Variants in NCAM2 observed in about 807,000 individuals in gnomAD.
NCAM2 encodes N-CAM-2.
A neutral mutation model predicts 98.1 loss-of-function variants in NCAM2; 30 were observed. The ratio of observed to expected loss-of-function variants is 0.31; its 90% CI spans 0.23 to 0.41. NCAM2 has a LOEUF of 0.41. NCAM2 is among the 10% of genes least tolerant of loss of function. The pLI is 1.00. For synonymous variants in NCAM2, 368 were observed against 342.4 expected (o/e 1.07, Z -0.83); for missense variants, 867 against 1,005.8 (o/e 0.86, Z 1.87).
chr21:21,457,578 T>G (rs1387899888), intron 12 of NCAM2, among the ~76,000 whole-genome samples: 1 of 151,688 alleles, frequency 6.6e-6, no homozygotes, highest in Non-Finnish European at 1.5e-5. Flanking sequence ...AGGCAGAGGT[T>G]GCAGTGAACC....
chr21:21,286,870 T>G (rs1486357002), intron 4 of NCAM2, among the ~76,000 whole-genome samples: 1 of 151,968 alleles, frequency 6.6e-6, no homozygotes, highest in Non-Finnish European at 1.5e-5. Context: ...CCTGCTGTAT[T>G]CAAATTCTGT....
intron 5 of NCAM2, among the ~76,000 whole-genome samples, chr21:21,320,898 T>A (rs1331519522): frequency 1.3e-5 from 2 of 152,330 alleles, no homozygotes; most frequent in African/African-American, 2.4e-5. Flanking sequence ...TTTGCAAATG[T>A]GGCTTCCCAG....
intron 12 of NCAM2, among the ~76,000 whole-genome samples, chr21:21,441,941 A>G (rs1174050362): frequency 6.6e-6 from 1 of 152,168 alleles, no homozygotes; most frequent in Non-Finnish European, 1.5e-5. Context: ...CAGTACTGAC[A>G]TCTCCTGAGG....
intron 9 of NCAM2, among the ~76,000 whole-genome samples, chr21:21,378,175 CT>C (rs71322052): frequency 0.64 from 94,447 of 148,298 alleles, 29,976 homozygotes; most frequent in Middle Eastern, 0.72. Context: ...CAGGTACAGA[CT>C]TTTTTTTTTT....
At chr21:21,475,143 G>T (rs1008480109) in intron 14 of NCAM2, among the ~76,000 whole-genome samples, 1 of 151,906 alleles carries the variant, frequency 6.6e-6, no homozygotes, top group African/African-American at 2.4e-5. Flanking sequence ...TAAAATCACT[G>T]TGTTTCTTTT....
chr21:21,080,584 C>T (rs2065772289), intron 1 of NCAM2, among the ~76,000 whole-genome samples: 2 of 145,618 alleles, frequency 1.4e-5, no homozygotes, highest in Non-Finnish European at 3.0e-5. Context: ...CCATTGCACT[C>T]CAGCCTGGGC....
intron 1 of NCAM2, among the ~76,000 whole-genome samples, chr21:21,023,061 T>C (rs535858887): frequency 1.1e-4 from 16 of 152,300 alleles, no homozygotes; most frequent in Middle Eastern, 3.4e-3. Context: ...GTAAGCTTTA[T>C]ACCTAAATAA....
chr21:21,016,822 G>A (rs1225709044), intron 1 of NCAM2, among the ~76,000 whole-genome samples: 2 of 152,104 alleles, frequency 1.3e-5, no homozygotes, highest in African/African-American at 2.4e-5. Context: ...GCTATGAAGT[G>A]ACCAAGGTGG....
At chr21:21,078,015 T>C (rs1179275315) in intron 1 of NCAM2, among the ~76,000 whole-genome samples, 1 of 152,142 alleles carries the variant, frequency 6.6e-6, no homozygotes, top group African/African-American at 2.4e-5. Context: ...AGTACCAAAA[T>C]AATCTTAGTG....
At chr21:21,514,079 C>T (rs1294825266) in intron 16 of NCAM2, among the ~76,000 whole-genome samples, 1 of 151,218 alleles carries the variant, frequency 6.6e-6, no homozygotes, top group Non-Finnish European at 1.5e-5. Context: ...CTGGGCTATA[C>T]ATATAAATTA....
chr21:21,055,106 C>T (rs1488174005), intron 1 of NCAM2, among the ~76,000 whole-genome samples: 3 of 151,914 alleles, frequency 2.0e-5, no homozygotes, highest in Non-Finnish European at 4.4e-5. Context: ...TTCAGACAAC[C>T]TTTCTTATCT....
Position 21,268,183 on chromosome 21 carries a change from T to G in NCAM2, c.56-12395T>G, listed in dbSNP as rs75443372. ...ATGGCACCATCTCAGTTTTTGTTGGTGCTGAGGATTTTTCGGAGTTCAGCT... is the reference window on the plus strand; with the variant it reads ...ATGGCACCATCTCAGTTTTTGTTGGGGCTGAGGATTTTTCGGAGTTCAGCT... On this transcript the variant is annotated intron_variant, in intron 1 of 17. Coordinates refer to ENST00000400546, the MANE Select transcript of NCAM2 (RefSeq NM_004540.5). Among the ~76,000 whole-genome samples the G allele has an allele frequency of 1.6e-3, 249 of 152,294 alleles. 2 individuals are homozygous for G. Among genetic ancestry groups the G allele is most frequent in the African/African-American group, 5.9e-3 (244 of 41,566 alleles).
intron 9 of NCAM2, chr21:21,385,655 C>T (rs545741424): frequency 4.7e-6 from 6 of 1,285,768 alleles, no homozygotes; most frequent in East Asian, 5.6e-5. Flanking sequence ...ATTTCCGAGG[C>T]GTTACTTTAC....
chr21:21,411,090 GTGTATATA>G lies in NCAM2; in HGVS notation c.1383+631_1383+638del. On this transcript the variant is annotated intron_variant, in intron 10 of 17. Transcript: ENST00000400546. ...TATATACACACACATATATATATGT[GTGTATATA>G]TATACATATATATGTATATATATAT... Among the ~76,000 whole-genome samples, 2 of 62,316 alleles carry G rather than the reference GTGTATATA, an allele frequency of 3.2e-5. 1 individual carries two copies. The highest frequency in any genetic ancestry group is 4.0e-4 in the Admixed American group (2 of 5,030). 40.9% of individuals were successfully genotyped at this position (62,316 alleles called of 152,430 possible).
chr21:21,147,174 G>A (rs1001968783), intron 1 of NCAM2: 2 of 970,438 alleles, frequency 2.1e-6, no homozygotes, highest in Non-Finnish European at 2.4e-6. Context: ...ACCGGAGCTG[G>A]TACCGCTGCC....
chr21:21,304,472 A>G (rs900893606), intron 5 of NCAM2, among the ~76,000 whole-genome samples: 20 of 151,870 alleles, frequency 1.3e-4, no homozygotes, highest in Non-Finnish European at 2.9e-5. Flanking sequence ...TGATCTATTT[A>G]TTTGTCCCTT....
At chr21:21,285,346 A>G (rs2073063286) in intron 3 of NCAM2, among the ~76,000 whole-genome samples, 2 of 151,780 alleles carry the variant, frequency 1.3e-5, no homozygotes, top group African/African-American at 4.8e-5. Flanking sequence ...CTACAGTAGG[A>G]CTTCCTGTTT....
chr21:21,034,604 A>G (rs894185894), intron 1 of NCAM2, among the ~76,000 whole-genome samples: 2 of 152,168 alleles, frequency 1.3e-5, no homozygotes, highest in Non-Finnish European at 2.9e-5. Flanking sequence ...ATGGAAGAAA[A>G]ATTTCAACTA....
At chr21:21,385,474 T>C in intron 9 of NCAM2, 1 of 433,874 alleles carries the variant, frequency 2.3e-6, no homozygotes. Context: ...AGGGTAATAC[T>C]GCTAAGAGTG....
Sources: gnomAD v4.1 joint callset for allele counts (sites outside exome capture counted in the v4.1 genomes callset) on GRCh38, gnomAD v4.1.1 for gene constraint, MANE v1.5 for transcripts, NCBI Gene and HGNC (gene_info 2026-07-23, HGNC 2026-07-21) for gene names.